The following FSHR variants were observed in gnomAD, a reference collection of about 807,000 sequenced individuals.
FSHR encodes the protein follicle-stimulating hormone receptor.
FSHR carries 46 observed loss-of-function variants against 52.1 expected under a neutral mutation model. That is an observed-to-expected ratio of 0.88 (90% confidence interval 0.70 to 1.13). FSHR has a LOEUF of 1.13. Ranked by LOEUF, FSHR falls within the 50% of genes most tolerant of loss-of-function variation. FSHR has a pLI of 0.00. For synonymous variants in FSHR, 399 were observed against 309.6 expected (o/e 1.29, Z -3.03); for missense variants, 964 against 834.6 (o/e 1.16, Z -1.91).
intron 2 of FSHR, among the ~76,000 whole-genome samples, chr2:49,029,449 C>G (rs1003066311): frequency 6.6e-6 from 1 of 152,206 alleles, no homozygotes; most frequent in African/African-American, 2.4e-5. Flanking sequence ...GCTCTCTAAG[C>G]TCTAGAAATG....
At chr2:49,053,554 G>A (rs751287311) in intron 2 of FSHR, among the ~76,000 whole-genome samples, 1 of 152,126 alleles carries the variant, frequency 6.6e-6, no homozygotes, top group Non-Finnish European at 1.5e-5. Flanking sequence ...AGAGTTTAAT[G>A]ATTTCTTTTT....
intron 8 of FSHR, among the ~76,000 whole-genome samples, chr2:48,980,725 T>C (rs905018249): frequency 6.6e-6 from 1 of 152,174 alleles, no homozygotes; most frequent in Non-Finnish European, 1.5e-5. Context: ...ATACATGGAA[T>C]GTGAGGCAGA....
Position 48,970,138 on chromosome 2 carries a change from A to T in FSHR, c.669-1255T>A, listed in dbSNP as rs112207677. 4.8e-3 allele frequency among the ~76,000 whole-genome samples: 726 copies of T among 152,322 alleles called. 6 individuals carry two copies. Among genetic ancestry groups the T allele is most frequent in the African/African-American group, 0.017 (699 of 41,576 alleles). The stretch of plus-strand genomic sequence containing the variant: ...ATTTGCTACCCCATATGTTCTCACA[A>T]TCTGGTGAAAATTACATTTTCAAAG... On this transcript the variant is annotated intron_variant, in intron 8 of 9. Transcript: ENST00000406846.
At chr2:49,001,758 G>T (rs184083797) in intron 4 of FSHR, among the ~76,000 whole-genome samples, 51 of 152,224 alleles carry the variant, frequency 3.4e-4, no homozygotes, top group African/African-American at 8.9e-4. Flanking sequence ...TGGGCACATT[G>T]ATGTTGGCTT....
intron 2 of FSHR, among the ~76,000 whole-genome samples, chr2:49,026,151 G>C (rs79455369): frequency 2.3e-3 from 352 of 152,294 alleles, no homozygotes; most frequent in Non-Finnish European, 4.2e-3. Flanking sequence ...AAATGAGACA[G>C]AGATAAAAGT....
chr2:49,085,012 T>C (rs1670320798), intron 1 of FSHR, among the ~76,000 whole-genome samples: 1 of 152,104 alleles, frequency 6.6e-6, no homozygotes, highest in Admixed American at 6.6e-5. Flanking sequence ...AGCATCATCC[T>C]GATACCAAAG....
At chr2:49,045,899 C>T (rs1361734619) in intron 2 of FSHR, among the ~76,000 whole-genome samples, 3 of 152,192 alleles carry the variant, frequency 2.0e-5, no homozygotes, top group Non-Finnish European at 4.4e-5. Context: ...GACACACTTA[C>T]TATTTTGTAC....
chr2:48,999,707 G>T (rs2349414), intron 4 of FSHR, among the ~76,000 whole-genome samples: 119,765 of 152,012 alleles, frequency 0.79, 47,299 homozygotes, highest in Admixed American at 0.85. Context: ...ATACGTTTAG[G>T]GAATGCTGGG....
At position 49,127,905 on chromosome 2, in the gene FSHR, T is replaced by C. The variant is rs1186996612; in HGVS notation, c.152+26361A>G. The stretch of plus-strand genomic sequence containing the variant: ...CTTCTTCTTCTTCTTCTTCTTTTTT[T>C]TTTTTGAGACGGAGTCTTACTCTGT... On this transcript the variant is annotated intron_variant, in intron 1 of 9. Transcript: ENST00000406846. Among the ~76,000 whole-genome samples, 51 of 135,170 alleles carry C rather than the reference T, an allele frequency of 3.8e-4. 7 individuals carry two copies. The highest frequency in any genetic ancestry group is 1.4e-3 in the African/African-American group (48 of 33,536). 88.7% of individuals were successfully genotyped at this position (135,170 alleles called of 152,430 possible).
intron 9 of FSHR, among the ~76,000 whole-genome samples, chr2:48,965,002 A>T (rs1168582679): frequency 6.6e-6 from 1 of 152,124 alleles, no homozygotes; most frequent in Non-Finnish European, 1.5e-5. Context: ...GCAAAAAAAA[A>T]AAAAAAATTG....
At chr2:49,136,287 A>G (rs997501183) in intron 1 of FSHR, among the ~76,000 whole-genome samples, 1 of 152,086 alleles carries the variant, frequency 6.6e-6, no homozygotes, top group African/African-American at 2.4e-5. Context: ...AAATCACTGG[A>G]AAGACACAAA....
At chr2:48,984,314 A>G (rs557089317) in intron 6 of FSHR, among the ~76,000 whole-genome samples, 18 of 152,288 alleles carry the variant, frequency 1.2e-4, no homozygotes, top group East Asian at 1.9e-4. Context: ...TGCACCCCCA[A>G]TGCCATTTGA....
chr2:49,032,893 A>C (rs1160946989), intron 2 of FSHR, among the ~76,000 whole-genome samples: 1 of 152,210 alleles, frequency 6.6e-6, no homozygotes, highest in Non-Finnish European at 1.5e-5. Context: ...CTAAAAATAT[A>C]AGTATTTGGA....
chr2:49,111,833 C>T (rs932147926), intron 1 of FSHR, among the ~76,000 whole-genome samples: 1 of 152,136 alleles, frequency 6.6e-6, no homozygotes, highest in Admixed American at 6.5e-5. Flanking sequence ...GTATCTTTAT[C>T]ACCCCTCAGT....
intron 2 of FSHR, among the ~76,000 whole-genome samples, chr2:49,066,184 A>T (rs1669496777): frequency 6.6e-6 from 1 of 152,160 alleles, no homozygotes; most frequent in Non-Finnish European, 1.5e-5. Context: ...GGAGCAGAAT[A>T]GGAAGGTGGA....
At chr2:49,117,600 G>C (rs943617972) in intron 1 of FSHR, among the ~76,000 whole-genome samples, 4 of 152,154 alleles carry the variant, frequency 2.6e-5, no homozygotes, top group African/African-American at 9.7e-5. Context: ...TGGAAGCACT[G>C]TGCAATGAAG....
intron 1 of FSHR, among the ~76,000 whole-genome samples, chr2:49,147,968 G>T (rs1362522288): frequency 6.6e-6 from 1 of 151,878 alleles, no homozygotes; most frequent in South Asian, 2.1e-4. Context: ...TGCACAGTGG[G>T]GTGTTCAGTT....
rs1277004904 is a variant in FSHR at position 48,963,114 on chromosome 2, C to A, written c.1707G>T (p.Arg569Ser). The change falls in exon 10 of 10, where the codon AGG becomes AGT. Residue 569 changes from arginine (R) to serine (S), a missense_variant. Coordinates refer to ENST00000406846, the MANE Select transcript of FSHR (RefSeq NM_000145.4). ...TGAGCATGGCCATGCGCTTGGCGAT[C>A]CTGGTGTCACTAGAGGAGGACACGA... ...PNIVSSSSDT[R>S]IAKRMAMLIF... 1.2e-6 allele frequency: 2 copies of A among 1,613,916 alleles called. No homozygotes were observed. The highest frequency in any genetic ancestry group is 3.3e-5 in the Admixed American group (2 of 59,986).
intron 1 of FSHR, among the ~76,000 whole-genome samples, chr2:49,125,199 T>A (rs983424117): frequency 2.6e-5 from 4 of 152,210 alleles, no homozygotes; most frequent in Non-Finnish European, 4.4e-5. Flanking sequence ...TTTAGTAGCA[T>A]ACATCATCAT....
Sources: gnomAD v4.1 joint callset for allele counts (sites outside exome capture counted in the v4.1 genomes callset) on GRCh38, gnomAD v4.1.1 for gene constraint, MANE v1.5 for transcripts, NCBI Gene and HGNC (gene_info 2026-07-23, HGNC 2026-07-21) for gene names.